OR2C1: variants seen among roughly 807,000 people sequenced by gnomAD.
OR2C1 encodes olfactory receptor 2C1.
For synonymous variants in OR2C1, 209 were observed against 167.3 expected (o/e 1.25, Z -1.92); for missense variants, 468 against 388.3 (o/e 1.21, Z -1.73).
At chr16:3,339,330 T>C in the OR2C1 span, among the ~76,000 whole-genome samples, 1 of 152,098 alleles carries the variant, frequency 6.6e-6, no homozygotes, top group African/African-American at 2.4e-5. Context: ...TAAATATGCA[T>C]GTACATGTTT....
the OR2C1 span, among the ~76,000 whole-genome samples, chr16:3,341,021 T>C: frequency 6.6e-6 from 1 of 152,080 alleles, no homozygotes; most frequent in African/African-American, 2.4e-5. Flanking sequence ...TAGGGATGCA[T>C]TGAACTTGTA....
At chr16:3,343,250 A>G in the OR2C1 span, among the ~76,000 whole-genome samples, 1 of 152,096 alleles carries the variant, frequency 6.6e-6, no homozygotes, top group Admixed American at 6.6e-5. Context: ...AAGTACAACA[A>G]AGGAAATCTT....
chr16:3,331,848 T>A, the OR2C1 span, among the ~76,000 whole-genome samples: 1 of 150,246 alleles, frequency 6.7e-6, no homozygotes, highest in South Asian at 2.1e-4. Flanking sequence ...AATGATAGAC[T>A]GGATTAAGAA....
chr16:3,332,720 C>CATATATATATATATATATATATATATAT, the OR2C1 span, among the ~76,000 whole-genome samples: 34 of 148,714 alleles, frequency 2.3e-4, no homozygotes, highest in African/African-American at 7.7e-4. Context: ...TATTCTATTG[C>CATATATATATATATATATATATATATAT]ATATATATAT....
At chr16:3,325,959 C>T in the OR2C1 span, among the ~76,000 whole-genome samples, 1 of 141,076 alleles carries the variant, frequency 7.1e-6, no homozygotes, top group Non-Finnish European at 1.5e-5. Flanking sequence ...TAGGCAAAGT[C>T]TCACTCTGTT....
upstream of OR2C1, among the ~76,000 whole-genome samples, chr16:3,354,050 C>G (rs1382029762): frequency 6.8e-6 from 1 of 146,284 alleles, no homozygotes; most frequent in Non-Finnish European, 1.5e-5. Flanking sequence ...GTAGTGCAAT[C>G]TCAACTCACT....
At chr16:3,329,309 A>G in the OR2C1 span, among the ~76,000 whole-genome samples, 5 of 152,078 alleles carry the variant, frequency 3.3e-5, no homozygotes, top group African/African-American at 1.2e-4. Flanking sequence ...ACAATAATTA[A>G]TATAGAAAAT....
At chr16:3,342,770 G>A in the OR2C1 span, among the ~76,000 whole-genome samples, 4 of 152,052 alleles carry the variant, frequency 2.6e-5, no homozygotes, top group Admixed American at 6.6e-5. Flanking sequence ...CCAGTTACTC[G>A]GGAGGCTGAG....
the OR2C1 span, among the ~76,000 whole-genome samples, chr16:3,332,979 A>C: frequency 2.0e-5 from 3 of 151,908 alleles, no homozygotes; most frequent in Non-Finnish European, 2.9e-5. Flanking sequence ...GGCTGTACTA[A>C]TTTACATTCC....
chr16:3,344,448 C>T, the OR2C1 span, among the ~76,000 whole-genome samples: 4 of 152,144 alleles, frequency 2.6e-5, no homozygotes, highest in Non-Finnish European at 5.9e-5. Flanking sequence ...AATTTGATGG[C>T]CGGGCACGGT....
chr16:3,355,472 A>AAAAAAAAAAAAAAAAAAATT (rs2030648897), upstream of OR2C1, among the ~76,000 whole-genome samples: 1 of 141,442 alleles, frequency 7.1e-6, no homozygotes, highest in Non-Finnish European at 1.5e-5. Context: ...AAAAAAAAAA[A>AAAAAAAAAAAAAAAAAAATT]GCTTGCAATC....
chr16:3,325,458 AAAATATATATATATATAT>A, the OR2C1 span, among the ~76,000 whole-genome samples: 10 of 60,540 alleles, frequency 1.7e-4, no homozygotes, highest in East Asian at 3.1e-4. Flanking sequence ...ATTATGTCTA[AAAATATATATATATATAT>A]ATATATATAT....
upstream of OR2C1, among the ~76,000 whole-genome samples, chr16:3,354,596 C>T (rs1303214751): frequency 1.3e-5 from 2 of 152,174 alleles, no homozygotes; most frequent in Admixed American, 6.6e-5. Flanking sequence ...ATAGATTCAT[C>T]ATGTTATTCC....
the OR2C1 span, among the ~76,000 whole-genome samples, chr16:3,329,728 C>T: frequency 3.7e-5 from 5 of 136,358 alleles, no homozygotes; most frequent in Admixed American, 8.0e-5. Flanking sequence ...GGATTACAGG[C>T]GTGAGCCACG....
the OR2C1 span, among the ~76,000 whole-genome samples, chr16:3,341,949 A>G: frequency 6.6e-6 from 1 of 152,222 alleles, no homozygotes; most frequent in Non-Finnish European, 1.5e-5. Context: ...TTGGGCATTT[A>G]TCCTAGAGGA....
upstream of OR2C1, among the ~76,000 whole-genome samples, chr16:3,354,038 T>C (rs2150851485): frequency 6.6e-6 from 1 of 150,920 alleles, no homozygotes; most frequent in South Asian, 2.1e-4. Flanking sequence ...GGCTGAAGTG[T>C]AGTAGTGCAA....
chr16:3,331,889 T>C, the OR2C1 span, among the ~76,000 whole-genome samples: 4 of 151,574 alleles, frequency 2.6e-5, no homozygotes, highest in East Asian at 1.9e-4. Flanking sequence ...TGGAATACTA[T>C]GCAGCCATAA....
the OR2C1 span, among the ~76,000 whole-genome samples, chr16:3,329,678 T>C: frequency 1.1e-4 from 17 of 150,906 alleles, no homozygotes; most frequent in African/African-American, 4.1e-4. Flanking sequence ...CTCAATCTCC[T>C]GACCTCATGA....
chr16:3,347,479 T>G, the OR2C1 span, among the ~76,000 whole-genome samples: 1 of 151,744 alleles, frequency 6.6e-6, no homozygotes, highest in Non-Finnish European at 1.5e-5. Context: ...TTTTTTTTTT[T>G]GAGACGGAGT....
Sources: gnomAD v4.1 joint callset for allele counts (sites outside exome capture counted in the v4.1 genomes callset) on GRCh38, gnomAD v4.1.1 for gene constraint, MANE v1.5 for transcripts, NCBI Gene and HGNC (gene_info 2026-07-23, HGNC 2026-07-21) for gene names.